RBFOX1: variants seen among roughly 807,000 people sequenced by gnomAD.
RBFOX1 encodes the protein RNA binding protein fox-1 homolog 1.
In RBFOX1, 8 loss-of-function variants were observed where a neutral mutation model predicts 57.7. The ratio of observed to expected loss-of-function variants is 0.14; its 90% CI spans 0.08 to 0.25. The LOEUF is 0.25. Among genes scored for constraint, RBFOX1 ranks in the 10% least tolerant of loss-of-function variants. The pLI, the probability that RBFOX1 is intolerant of heterozygous loss-of-function variation, is 1.00. For synonymous variants in RBFOX1, 326 were observed against 222.4 expected (o/e 1.47, Z -4.15); for missense variants, 611 against 548.5 (o/e 1.11, Z -1.14).
intron 3 of RBFOX1, among the ~76,000 whole-genome samples, chr16:6,755,670 A>G (rs1165084777): frequency 6.6e-6 from 1 of 152,108 alleles, no homozygotes; most frequent in Non-Finnish European, 1.5e-5. Context: ...ACTTTTAATC[A>G]CTTTGCTATA....
intron 1 of RBFOX1, among the ~76,000 whole-genome samples, chr16:5,447,119 G>GTCTCTGC (rs1189526234): frequency 6.6e-6 from 1 of 152,030 alleles, no homozygotes; most frequent in Non-Finnish European, 1.5e-5. Context: ...CCCTTGGCTG[G>GTCTCTGC]TCTCTGCGTC....
intron 3 of RBFOX1, among the ~76,000 whole-genome samples, chr16:6,992,782 T>C (rs2091701076): frequency 6.8e-6 from 1 of 147,910 alleles, no homozygotes; most frequent in African/African-American, 2.5e-5. Context: ...AGAGTTTTTG[T>C]GTATCATGAC....
intron 1 of RBFOX1, among the ~76,000 whole-genome samples, chr16:6,276,723 A>G (rs2075841071): frequency 6.6e-6 from 1 of 152,106 alleles, no homozygotes; most frequent in Non-Finnish European, 1.5e-5. Flanking sequence ...TTAAGTTCCC[A>G]AGAAGTTCTC....
intron 2 of RBFOX1, among the ~76,000 whole-genome samples, chr16:6,356,425 G>A (rs994865452): frequency 6.6e-6 from 1 of 152,146 alleles, no homozygotes. Context: ...GCAACAGAGC[G>A]AGAACTTGTC....
At chr16:6,251,033 T>G (rs1311257680) in intron 1 of RBFOX1, among the ~76,000 whole-genome samples, 12 of 152,120 alleles carry the variant, frequency 7.9e-5, no homozygotes, top group Admixed American at 7.9e-4. Flanking sequence ...TGCTGTCATT[T>G]GCAATGGAAG....
At chr16:7,470,315 C>T (rs1407677846) in intron 4 of RBFOX1, among the ~76,000 whole-genome samples, 1 of 152,166 alleles carries the variant, frequency 6.6e-6, no homozygotes, top group Non-Finnish European at 1.5e-5. Flanking sequence ...ACCATTGTTT[C>T]CCTATGATGT....
intron 1 of RBFOX1, among the ~76,000 whole-genome samples, chr16:5,403,666 G>A (rs1039389767): frequency 6.6e-6 from 1 of 152,170 alleles, no homozygotes; most frequent in Admixed American, 6.5e-5. Flanking sequence ...GGCTGGTCTC[G>A]AGTTCCTGAC....
At chr16:5,973,857 G>A (rs887264) in intron 4 of RBFOX1, among the ~76,000 whole-genome samples, 95,056 of 152,138 alleles carry the variant, frequency 0.62, 31,475 homozygotes, top group East Asian at 0.87. Flanking sequence ...AAACTTAGCC[G>A]TGATGAATCT....
chr16:6,689,630 C>T (rs1314862632), intron 3 of RBFOX1, among the ~76,000 whole-genome samples: 1 of 152,110 alleles, frequency 6.6e-6, no homozygotes, highest in Non-Finnish European at 1.5e-5. Flanking sequence ...TTTATATCTT[C>T]CTGAATGTAG....
chr16:6,419,632 G>T (rs188685176), intron 2 of RBFOX1, among the ~76,000 whole-genome samples: 7 of 152,268 alleles, frequency 4.6e-5, no homozygotes, highest in African/African-American at 1.7e-4. Flanking sequence ...GCTTCCCTGC[G>T]TGGTGTGGTT....
chr16:7,048,820 G>C (rs1049748323), intron 3 of RBFOX1, among the ~76,000 whole-genome samples: 22 of 152,106 alleles, frequency 1.4e-4, no homozygotes, highest in African/African-American at 5.3e-4. Flanking sequence ...ATTGTGTTAG[G>C]AGACTCTAGG....
At chr16:5,535,595 C>T (rs555892737) in intron 2 of RBFOX1, among the ~76,000 whole-genome samples, 9 of 152,168 alleles carry the variant, frequency 5.9e-5, no homozygotes, top group Non-Finnish European at 1.0e-4. Flanking sequence ...CAGCTCTCCC[C>T]ACTGGGTCAT....
intron 3 of RBFOX1, among the ~76,000 whole-genome samples, chr16:6,814,115 A>G (rs2089475015): frequency 6.6e-6 from 1 of 152,194 alleles, no homozygotes; most frequent in South Asian, 2.1e-4. Context: ...AATAGCCCAC[A>G]TAGGGAGCTT....
intron 4 of RBFOX1, among the ~76,000 whole-genome samples, chr16:7,355,350 T>A (rs183823637): frequency 1.3e-5 from 2 of 152,302 alleles, no homozygotes; most frequent in Admixed American, 1.3e-4. Flanking sequence ...CAGGACAGTT[T>A]CAAGAAATAA....
intron 2 of RBFOX1, among the ~76,000 whole-genome samples, chr16:6,366,187 G>A (rs368086353): frequency 8.6e-5 from 13 of 151,466 alleles, no homozygotes; most frequent in Admixed American, 2.6e-4. Context: ...ACATATGTAC[G>A]TATAAATAAA....
chr16:6,958,531 C>T (rs909546836), intron 3 of RBFOX1, among the ~76,000 whole-genome samples: 2 of 152,108 alleles, frequency 1.3e-5, no homozygotes, highest in Non-Finnish European at 2.9e-5. Context: ...ACAGAGGAAA[C>T]ACATGGATTG....
chr16:6,292,744 C>T (rs1366751340), intron 1 of RBFOX1, among the ~76,000 whole-genome samples: 2 of 152,308 alleles, frequency 1.3e-5, no homozygotes, highest in East Asian at 1.9e-4. Flanking sequence ...GCACACATCC[C>T]TGTTACCAGC....
intron 3 of RBFOX1, among the ~76,000 whole-genome samples, chr16:6,712,078 C>A (rs1455203957): frequency 6.6e-6 from 1 of 152,158 alleles, no homozygotes; most frequent in Non-Finnish European, 1.5e-5. Context: ...TGTGGTGTTA[C>A]ATTCCTCTAC....
At chr16:6,554,718 A>C (rs2097060532) in intron 2 of RBFOX1, among the ~76,000 whole-genome samples, 1 of 79,668 alleles carries the variant, frequency 1.3e-5, no homozygotes, top group Non-Finnish European at 2.5e-5. Flanking sequence ...GGCCTCCAGT[A>C]GACACAGACA....
Sources: gnomAD v4.1 joint callset for allele counts (sites outside exome capture counted in the v4.1 genomes callset) on GRCh38, gnomAD v4.1.1 for gene constraint, MANE v1.5 for transcripts, NCBI Gene and HGNC (gene_info 2026-07-23, HGNC 2026-07-21) for gene names.